The following EPHA5 variants were observed in gnomAD, a reference collection of about 807,000 sequenced individuals.
EPHA5 encodes EPH receptor A5, also known as ephrin type-A receptor 5.
A neutral mutation model predicts 105.0 loss-of-function variants in EPHA5; 60 were observed. That is an observed-to-expected ratio of 0.57 (90% CI 0.46 to 0.71). The LOEUF (loss-of-function observed/expected upper bound fraction) is 0.71. Among genes scored for constraint, EPHA5 ranks in the 30% least tolerant of loss-of-function variants. The probability of loss-of-function intolerance (pLI) is 0.00; values close to 1 mark genes in which losing one functional copy is unlikely to be tolerated. For missense variants in EPHA5, 1,218 were observed against 1,274.7 expected (o/e 0.96, Z 0.68); for synonymous variants, 513 against 449.1 (o/e 1.14, Z -1.80).
intron 3 of EPHA5, among the ~76,000 whole-genome samples, chr4:65,498,303 T>C (rs1732144188): frequency 1.3e-5 from 2 of 151,926 alleles, no homozygotes; most frequent in South Asian, 4.1e-4. Flanking sequence ...TACTTTATTT[T>C]ATAGGCAAAG....
intron 8 of EPHA5, among the ~76,000 whole-genome samples, chr4:65,396,004 C>A (rs903773045): frequency 1.3e-5 from 2 of 152,156 alleles, no homozygotes; most frequent in African/African-American, 2.4e-5. Context: ...AGGAGCCCTG[C>A]TCTTCTAGGC....
intron 5 of EPHA5, among the ~76,000 whole-genome samples, chr4:65,478,801 T>C (rs1324098943): frequency 6.6e-6 from 1 of 152,124 alleles, no homozygotes; most frequent in African/African-American, 2.4e-5. Flanking sequence ...TGTTTCTTTA[T>C]GTTATTGTTC....
At chr4:65,506,877 G>T (rs1416433556) in intron 3 of EPHA5, among the ~76,000 whole-genome samples, 2 of 152,086 alleles carry the variant, frequency 1.3e-5, no homozygotes, top group African/African-American at 4.8e-5. Flanking sequence ...GATCCCATTT[G>T]TCAATTTTGG....
At chr4:65,423,993 C>A (rs767607513) in intron 5 of EPHA5, among the ~76,000 whole-genome samples, 1 of 151,870 alleles carries the variant, frequency 6.6e-6, no homozygotes, top group African/African-American at 2.4e-5. Flanking sequence ...ACTGATGTTG[C>A]GAACTCTAAT....
chr4:65,613,103 T>A (rs1412114885), intron 2 of EPHA5, among the ~76,000 whole-genome samples: 3 of 152,088 alleles, frequency 2.0e-5, no homozygotes, highest in Admixed American at 2.0e-4. Flanking sequence ...AGCAATCCAA[T>A]TTTCCCAGTA....
intron 3 of EPHA5, among the ~76,000 whole-genome samples, chr4:65,495,767 C>G (rs1435300387): frequency 1.3e-5 from 2 of 152,046 alleles, no homozygotes; most frequent in Admixed American, 6.6e-5. Context: ...AATGTACATA[C>G]TTGTAATGAT....
At chr4:65,653,454 AC>A (rs1453468177) in intron 1 of EPHA5, among the ~76,000 whole-genome samples, 1 of 152,162 alleles carries the variant, frequency 6.6e-6, no homozygotes, top group Non-Finnish European at 1.5e-5. Flanking sequence ...CTAACAAAGT[AC>A]AAATATTGTG....
At chr4:65,342,559 T>C (rs1312985495) in intron 14 of EPHA5, among the ~76,000 whole-genome samples, 8 of 151,836 alleles carry the variant, frequency 5.3e-5, no homozygotes. Flanking sequence ...TATGTATATG[T>C]ATGTATATCT....
intron 11 of EPHA5, among the ~76,000 whole-genome samples, chr4:65,353,315 AT>A (rs1723007826): frequency 6.8e-6 from 1 of 147,642 alleles, no homozygotes; most frequent in Non-Finnish European, 1.5e-5. Context: ...TTTTAAAAAC[AT>A]TTTTAATATA....
intron 3 of EPHA5, among the ~76,000 whole-genome samples, chr4:65,526,100 A>C (rs974571274): frequency 6.6e-6 from 1 of 151,874 alleles, no homozygotes; most frequent in African/African-American, 2.4e-5. Context: ...TGTTTTGCAT[A>C]TATCAAATAT....
At chr4:65,453,688 C>T (rs1304280616) in intron 5 of EPHA5, among the ~76,000 whole-genome samples, 1 of 152,148 alleles carries the variant, frequency 6.6e-6, no homozygotes, top group Non-Finnish European at 1.5e-5. Context: ...CCGACCAGTG[C>T]TAGTAGTCCA....
At chr4:65,554,575 T>C (rs1015223375) in intron 3 of EPHA5, among the ~76,000 whole-genome samples, 6 of 151,500 alleles carry the variant, frequency 4.0e-5, no homozygotes, top group Non-Finnish European at 5.9e-5. Context: ...ATAATGTGGA[T>C]TTTATTTATA....
intron 3 of EPHA5, among the ~76,000 whole-genome samples, chr4:65,501,387 C>A (rs1272126094): frequency 6.6e-6 from 1 of 151,540 alleles, no homozygotes; most frequent in Non-Finnish European, 1.5e-5. Flanking sequence ...TCTCCTGGAT[C>A]TGATAAATGA....
chr4:65,546,926 G>T (rs1291949984), intron 3 of EPHA5, among the ~76,000 whole-genome samples: 1 of 151,736 alleles, frequency 6.6e-6, no homozygotes, highest in Non-Finnish European at 1.5e-5. Context: ...ACACATGTAC[G>T]CGTAATACAT....
chr4:65,351,751 A>G (rs1426364885), intron 12 of EPHA5, among the ~76,000 whole-genome samples, 153 bp from the exon 13 acceptor site: 1 of 152,082 alleles, frequency 6.6e-6, no homozygotes, highest in Non-Finnish European at 1.5e-5. Context: ...GGTAGGAAGT[A>G]TATGGCTAAC....
chr4:65,648,006 T>A (rs28563836), intron 1 of EPHA5, among the ~76,000 whole-genome samples: 11,621 of 152,262 alleles, frequency 0.076, 1,462 homozygotes, highest in African/African-American at 0.26. Flanking sequence ...GTCTTTAGTA[T>A]GCTTTAATTG....
intron 8 of EPHA5, among the ~76,000 whole-genome samples, chr4:65,394,335 T>C (rs2148963354): frequency 6.6e-6 from 1 of 152,298 alleles, no homozygotes; most frequent in African/African-American, 2.4e-5. Context: ...ATCACAAGTC[T>C]TGGGGAAGTT....
chr4:65,508,700 T>C (rs1023786495), intron 3 of EPHA5, among the ~76,000 whole-genome samples: 2 of 152,102 alleles, frequency 1.3e-5, no homozygotes, highest in African/African-American at 4.8e-5. Flanking sequence ...TAGATAATCA[T>C]TGCCCAGGTT....
intron 8 of EPHA5, among the ~76,000 whole-genome samples, chr4:65,399,354 T>C (rs1298162491): frequency 2.6e-5 from 4 of 152,130 alleles, no homozygotes; most frequent in African/African-American, 7.2e-5. Flanking sequence ...CCCTCACTGC[T>C]CCATGCCTGG....
Sources: allele counts gnomAD v4.1 joint callset (sites outside exome capture counted in the v4.1 genomes callset), GRCh38; gene constraint gnomAD v4.1.1; transcripts MANE v1.5; gene names NCBI Gene and HGNC (gene_info 2026-07-23, HGNC 2026-07-21).